The following RBFOX3 variants were observed in gnomAD, a reference collection of about 807,000 sequenced individuals.
The protein encoded by RBFOX3 is RNA binding protein fox-1 homolog 3.
RBFOX3 carries 17 observed loss-of-function variants against 48.7 expected under a neutral mutation model. That is an observed-to-expected ratio of 0.35 (90% confidence interval 0.24 to 0.52). The LOEUF is 0.52. Ranked by LOEUF, RBFOX3 falls within the 20% of genes least tolerant of loss-of-function variation. The pLI is 0.94. For synonymous variants in RBFOX3, 212 were observed against 209.5 expected (o/e 1.01, Z -0.10); for missense variants, 382 against 497.5 (o/e 0.77, Z 2.21).
intron 1 of RBFOX3, among the ~76,000 whole-genome samples, chr17:79,569,841 T>C (rs2092601998): frequency 6.6e-6 from 1 of 152,146 alleles, no homozygotes; most frequent in Non-Finnish European, 1.5e-5. Context: ...AACGGGCAGA[T>C]GGATAGTAGA....
intron 2 of RBFOX3, among the ~76,000 whole-genome samples, chr17:79,405,521 G>A (rs945746248): frequency 7.2e-5 from 11 of 152,152 alleles, no homozygotes; most frequent in African/African-American, 2.7e-4. Flanking sequence ...AGGAGTTCAA[G>A]ACCAGCCTGG....
chr17:79,532,735 G>A lies in RBFOX3; in HGVS notation c.-319-50137C>T, dbSNP rs1410910319. On this transcript the variant is annotated intron_variant, in intron 1 of 14. Transcript: ENST00000693108. ...GTCTTGGCCTTGCTGCCCTCACATCGCCAGCATAGTACTAGAATCCTGGGA... is the reference window on the plus strand; with the variant it reads ...GTCTTGGCCTTGCTGCCCTCACATCACCAGCATAGTACTAGAATCCTGGGA... Among the ~76,000 whole-genome samples the A allele has an allele frequency of 4.6e-5, 7 of 152,200 alleles. No individual in the cohort carries two copies. In the East Asian group the frequency reaches 1.2e-3, roughly 25 times the overall value.
Position 79,177,966 on chromosome 17 carries a change from G to A in RBFOX3, c.-34+57800C>T, listed in dbSNP as rs536182107. On this transcript the variant is annotated intron_variant, in intron 4 of 14. Transcript: ENST00000693108. The stretch of plus-strand genomic sequence containing the variant: ...GTCTCTGGACAGAGACGGCCCCCAG[G>A]GAAGTTGGAGGTCCGAGGCTGCTGG... Among the ~76,000 whole-genome samples the A allele has an allele frequency of 1.1e-3, 164 of 152,290 alleles. 1 individual carries two copies. Among genetic ancestry groups the A allele is most frequent in the African/African-American group, 3.8e-3 (157 of 41,562 alleles).
rs1483029637 is a variant in RBFOX3 at position 79,090,027 on chromosome 17, C to G, written c.*856G>C. On this transcript the variant is annotated 3_prime_UTR_variant, in exon 15 of 15. Coordinates refer to ENST00000693108, the MANE Select transcript of RBFOX3 (RefSeq NM_001350451.2). ...AGGGGAGCGGCAGGGAGGGCTGGGT[C>G]CCAGCAGGCAGCACGAGGTCAGCCT... 6.6e-6 allele frequency: 1 copy of G among 152,396 alleles called. No homozygotes were observed. The highest frequency in any genetic ancestry group is 2.4e-5 in the African/African-American group (1 of 41,474). 9.4% of individuals were successfully genotyped at this position (152,396 alleles called of 1,614,324 possible).
chr17:79,545,449 C>T (rs2090298955), intron 1 of RBFOX3, among the ~76,000 whole-genome samples: 1 of 152,224 alleles, frequency 6.6e-6, no homozygotes, highest in Non-Finnish European at 1.5e-5. Context: ...ACCCCATGCC[C>T]TCTGCCCTTG....
intron 2 of RBFOX3, among the ~76,000 whole-genome samples, chr17:79,386,709 C>A (rs954574036): frequency 3.3e-5 from 5 of 152,228 alleles, no homozygotes; most frequent in Non-Finnish European, 5.9e-5. Context: ...CTGTTCCCTG[C>A]AGCCCTTGGG....
At chr17:79,171,627 T>C (rs1271593893) in intron 4 of RBFOX3, among the ~76,000 whole-genome samples, 1 of 129,866 alleles carries the variant, frequency 7.7e-6, no homozygotes, top group Non-Finnish European at 1.6e-5. Flanking sequence ...TTAATTACTT[T>C]TTTTTTATAA....
chr17:79,118,771 G>A (rs917737772), intron 4 of RBFOX3, among the ~76,000 whole-genome samples: 15 of 150,364 alleles, frequency 1.0e-4, no homozygotes, highest in African/African-American at 9.8e-5. Context: ...CCAGGAGTTC[G>A]AGACCATCCT....
At chr17:79,566,420 T>C (rs1355737764) in intron 1 of RBFOX3, among the ~76,000 whole-genome samples, 2 of 152,106 alleles carry the variant, frequency 1.3e-5, no homozygotes, top group Admixed American at 1.3e-4. Flanking sequence ...GACTCTCAGG[T>C]GCATGCAGGA....
At chr17:79,522,892 T>A (rs2150008701) in intron 1 of RBFOX3, among the ~76,000 whole-genome samples, 1 of 128,824 alleles carries the variant, frequency 7.8e-6, no homozygotes, top group Non-Finnish European at 1.5e-5. Flanking sequence ...ATCACGCCAC[T>A]GCACTCCAGC....
intron 1 of RBFOX3, among the ~76,000 whole-genome samples, chr17:79,518,432 G>T (rs1407884566): frequency 6.6e-6 from 1 of 152,262 alleles, no homozygotes; most frequent in Admixed American, 6.5e-5. Flanking sequence ...CCTGGCCGGG[G>T]CCCCAAGTCC....
intron 3 of RBFOX3, among the ~76,000 whole-genome samples, chr17:79,282,810 C>T (rs1296031296): frequency 6.6e-6 from 1 of 152,248 alleles, no homozygotes; most frequent in African/African-American, 2.4e-5. Context: ...GCAGGCTGGG[C>T]CAGTTCCTGG....
At position 79,418,078 on chromosome 17, in the gene RBFOX3, G is replaced by A. The variant is rs770363100; in HGVS notation, c.-175+64376C>T. On this transcript the variant is annotated intron_variant, in intron 2 of 14. Transcript: ENST00000693108. This position sits in a 1 kb window ranked among gnomAD's most constrained non-coding sequence, Gnocchi z 5.0. The stretch of plus-strand genomic sequence containing the variant: ...GCTGGGGAGATAGGAAGGGGGCTTC[G>A]TGTTTCCTGGGGACAGAGCTTCAGG... Among the ~76,000 whole-genome samples the A allele has an allele frequency of 5.9e-5, 9 of 152,314 alleles. No individual in the cohort carries two copies. Among genetic ancestry groups the A allele is most frequent in the Middle Eastern group, 3.4e-3 (1 of 294 alleles).
At chr17:79,226,712 A>G (rs2060348585) in intron 4 of RBFOX3, among the ~76,000 whole-genome samples, 1 of 152,226 alleles carries the variant, frequency 6.6e-6, no homozygotes, top group African/African-American at 2.4e-5. Context: ...GGATGGCAAC[A>G]TCTACCTTCC....
chr17:79,222,511 C>G (rs564210952), intron 4 of RBFOX3, among the ~76,000 whole-genome samples: 2 of 152,324 alleles, frequency 1.3e-5, no homozygotes, highest in South Asian at 4.1e-4. Context: ...TGGCACAAGC[C>G]CCTGCACCTG....
rs2077020245 is a variant in RBFOX3, at chr17:79,471,225, C to A, written c.-175+11229G>T. On this transcript the variant is annotated intron_variant, in intron 2 of 14. Transcript: ENST00000693108. The surrounding 1 kb of genome is among the most constrained non-coding windows in gnomAD (Gnocchi z 4.0). ...CACACGAAGGGTCTCTCATGGGAAG[C>A]AGCCATCGTGGCTCTCAGCTCATGG... 6.6e-6 allele frequency among the ~76,000 whole-genome samples: 1 copy of A among 152,198 alleles called. No individual in the cohort carries two copies. Among genetic ancestry groups the A allele is most frequent in the Admixed American group, 6.5e-5 (1 of 15,276 alleles).
rs1435656881 is a variant in RBFOX3, at chr17:79,535,596, A to T, written c.-319-52998T>A. 6.6e-6 allele frequency among the ~76,000 whole-genome samples: 1 copy of T among 152,174 alleles called. No individual in the cohort carries two copies. Among genetic ancestry groups the T allele is most frequent in the East Asian group, 1.9e-4 (1 of 5,186 alleles). On this transcript the variant is annotated intron_variant, in intron 1 of 14. Coordinates refer to ENST00000693108, the MANE Select transcript of RBFOX3 (RefSeq NM_001350451.2). This position sits in a 1 kb window ranked among gnomAD's most constrained non-coding sequence, Gnocchi z 4.5. ...TTTCCTGGGCTTGCAGGTCTGCTGC[A>T]TGGCTGCGGTCCTGGCCAGACCACA... is the stretch of plus-strand genomic sequence containing the variant.
rs560376393 is a variant in RBFOX3 at position 79,393,891 on chromosome 17, C to T, written c.-174-86067G>A. Among the ~76,000 whole-genome samples, 32 of 151,288 alleles carry T rather than the reference C, an allele frequency of 2.1e-4. No homozygotes were observed. The South Asian group carries it at 4.6e-3, about 22-fold the overall frequency. On this transcript the variant is annotated intron_variant, in intron 2 of 14. Coordinates refer to ENST00000693108, the MANE Select transcript of RBFOX3 (RefSeq NM_001350451.2). The stretch of plus-strand genomic sequence containing the variant: ...CACGCACATCATCTGAGCCATTCAT[C>T]GCACACATCAGAGATGGCCATCAAT...
intron 2 of RBFOX3, among the ~76,000 whole-genome samples, chr17:79,470,612 G>T (rs1328065464): frequency 1.3e-5 from 2 of 152,196 alleles, no homozygotes; most frequent in Non-Finnish European, 2.9e-5. Flanking sequence ...GCCCCCAAGG[G>T]TGTGCAGAGG....
Sources: gnomAD v4.1 joint callset for allele counts (sites outside exome capture counted in the v4.1 genomes callset) on GRCh38, gnomAD v4.1.1 for gene constraint, Gnocchi (gnomAD v3.1) non-coding constraint, MANE v1.5 for transcripts, NCBI Gene and HGNC (gene_info 2026-07-23, HGNC 2026-07-21) for gene names.